The following DNAH8 variants were observed in gnomAD, a reference collection of about 807,000 sequenced individuals.
DNAH8 encodes dynein axonemal heavy chain 8.
A neutral mutation model predicts 562.1 loss-of-function variants in DNAH8; 382 were observed. That is an observed-to-expected ratio of 0.68 (90% confidence interval 0.63 to 0.74). The LOEUF (loss-of-function observed/expected upper bound fraction) is 0.74. Among genes scored for constraint, DNAH8 ranks in the 30% least tolerant of loss-of-function variants. The pLI, the probability that DNAH8 is intolerant of heterozygous loss-of-function variation, is 0.00. For synonymous variants in DNAH8, 1,881 were observed against 1,919.4 expected (o/e 0.98, Z 0.52); for missense variants, 5,203 against 5,620.4 (o/e 0.93, Z 2.37).
At chr6:38,738,103 A>G (rs1269539165) in intron 7 of DNAH8, 131 bp downstream of exon 7, 2 of 912,276 alleles carry the variant, frequency 2.2e-6, no homozygotes, top group East Asian at 6.1e-5. Flanking sequence ...TTTGAAACTC[A>G]GCCAATTTTT....
At chr6:38,778,657 G>A (rs138245196) in intron 14 of DNAH8, among the ~76,000 whole-genome samples, 193 bp downstream of exon 14, 1 of 152,262 alleles carries the variant, frequency 6.6e-6, no homozygotes, top group East Asian at 1.9e-4. Context: ...TAATTGCATT[G>A]TTTTGGTAGC....
intron 8 of DNAH8, among the ~76,000 whole-genome samples, chr6:38,747,712 A>G (rs1253132665): frequency 1.3e-5 from 2 of 152,168 alleles, no homozygotes; most frequent in East Asian, 3.9e-4. Flanking sequence ...TGTAATCATC[A>G]TAACTTTTGT....
intron 56 of DNAH8, among the ~76,000 whole-genome samples, chr6:38,885,878 C>T (rs959143397): frequency 6.6e-6 from 1 of 152,186 alleles, no homozygotes; most frequent in Non-Finnish European, 1.5e-5. Context: ...CAACATGCAT[C>T]TGTACATCTT....
intron 88 of DNAH8, among the ~76,000 whole-genome samples, chr6:38,995,108 C>T (rs972474737): frequency 5.2e-5 from 7 of 133,466 alleles, no homozygotes; most frequent in Non-Finnish European, 7.9e-5. Context: ...ATGTGTGTTT[C>T]TCTATTGTTG....
chr6:38,782,068 A>G (rs1354637539), intron 16 of DNAH8, among the ~76,000 whole-genome samples: 6 of 152,040 alleles, frequency 3.9e-5, no homozygotes, highest in Non-Finnish European at 8.8e-5. Context: ...GCATTATTAA[A>G]TATGAAGATT....
At position 38,737,181 on chromosome 6, in the gene DNAH8, A is replaced by G; in HGVS notation, c.877A>G (p.Asn293Asp). 6.4e-7 allele frequency: 1 copy of G among 1,571,306 alleles called. No individual in the cohort carries two copies. Among genetic ancestry groups the G allele is most frequent in the Non-Finnish European group, 8.6e-7 (1 of 1,160,618 alleles). Residue 293 changes from asparagine to aspartate, a missense_variant, in exon 6 of 93, where the codon AAC becomes GAC. Physicochemically the swap from Asn to Asp is conservative, Grantham distance 23. Around this residue, in one of 6 missense-constraint regions of DNAH8, gnomAD observed 556 missense variants for 496.9 expected, o/e 1.12. Transcript: ENST00000327475. ...VLATNNWGAL[N>D]QSKQGESEKH... The stretch of plus-strand genomic sequence containing the variant: ...TGCAACAAACAACTGGGGTGCTTTA[A>G]ACCAGTCCAAGCAGGGAGAATCTGA...
chr6:38,888,806 AC>A (rs1345020877), intron 57 of DNAH8, among the ~76,000 whole-genome samples: 1 of 152,222 alleles, frequency 6.6e-6, no homozygotes. Flanking sequence ...GTTGCTACAA[AC>A]CCTTTGGATA....
chr6:38,856,678 A>G (rs991704505), intron 41 of DNAH8, among the ~76,000 whole-genome samples: 1 of 152,156 alleles, frequency 6.6e-6, no homozygotes, highest in African/African-American at 2.4e-5. Context: ...TCTAGCAGGA[A>G]AAGTATCAAA....
intron 11 of DNAH8, chr6:38,763,182 CA>C: frequency 3.5e-6 from 1 of 286,054 alleles, no homozygotes; most frequent in South Asian, 3.5e-5. Context: ...CAGTGTAGAT[CA>C]TACATTTGGA....
chr6:38,955,013 G>C (rs1385503240), intron 82 of DNAH8, among the ~76,000 whole-genome samples: 1 of 152,228 alleles, frequency 6.6e-6, no homozygotes, highest in East Asian at 1.9e-4. Context: ...TGTCACCCAG[G>C]CTGGAGTGCA....
chr6:38,883,584 A>C (rs1778680325), intron 55 of DNAH8, 128 bp downstream of exon 55: 1 of 1,108,830 alleles, frequency 9.0e-7, no homozygotes, highest in Admixed American at 3.1e-5. Flanking sequence ...TGCACTTGGC[A>C]TTCAGCTGTT....
rs1761888540 is a variant in DNAH8 at position 38,951,330 on chromosome 6, A to G, written c.12261A>G (p.Pro4087=). ...HKLLLIRSWC[P]DRTVFQARKY... ...TATTCATTTTTAGGTCTTGGTGCCC[A>G]GACCGTACTGTTTTTCAAGCAAGAA... The change falls in exon 82 of 93, where the codon CCA becomes CCG. Residue 4087 remains proline, a synonymous_variant. Transcript: ENST00000327475. 6.2e-7 allele frequency: 1 copy of G among 1,614,168 alleles called. No homozygotes were observed. The highest frequency in any genetic ancestry group is 8.5e-7 in the Non-Finnish European group (1 of 1,180,012).
chr6:38,861,410 T>TA (rs1382768625), intron 43 of DNAH8, among the ~76,000 whole-genome samples: 1 of 152,236 alleles, frequency 6.6e-6, no homozygotes. Context: ...CCAAAACAAA[T>TA]ACAACAGAAG....
At chr6:38,836,106 A>G (rs1774261857) in intron 32 of DNAH8, among the ~76,000 whole-genome samples, 1 of 152,178 alleles carries the variant, frequency 6.6e-6, no homozygotes, top group Non-Finnish European at 1.5e-5. Context: ...CAACTTGGGC[A>G]TATTGACGAA....
At chr6:39,003,307 T>C (rs1765599930) in intron 88 of DNAH8, among the ~76,000 whole-genome samples, 1 of 152,238 alleles carries the variant, frequency 6.6e-6, no homozygotes, top group Admixed American at 6.5e-5. Flanking sequence ...GTTTGTAAGA[T>C]GCATCTCAGT....
intron 17 of DNAH8, 110 bp from the exon 18 acceptor site, chr6:38,786,655 C>A: frequency 9.1e-7 from 1 of 1,101,664 alleles, no homozygotes; most frequent in Non-Finnish European, 1.3e-6. Context: ...CAAAACATTT[C>A]CTTTGCCCTC....
intron 1 of DNAH8, among the ~76,000 whole-genome samples, chr6:38,718,516 T>C (rs773813919): frequency 3.9e-5 from 6 of 152,224 alleles, no homozygotes; most frequent in Non-Finnish European, 8.8e-5. Flanking sequence ...AGTTATATGA[T>C]TTCCTTAAGG....
intron 79 of DNAH8, among the ~76,000 whole-genome samples, chr6:38,943,079 G>GGA (rs1783590617): frequency 1.3e-5 from 2 of 152,224 alleles, no homozygotes; most frequent in Non-Finnish European, 2.9e-5. Context: ...TATAGGGCCA[G>GGA]GAGAGTCAGT....
intron 82 of DNAH8, among the ~76,000 whole-genome samples, chr6:38,957,975 AAAG>A (rs1400782506): frequency 6.6e-6 from 1 of 151,994 alleles, no homozygotes; most frequent in Non-Finnish European, 1.5e-5. Flanking sequence ...AAGAAATAAT[AAAG>A]ATCAGAGTAG....
Sources: gnomAD v4.1 joint callset for allele counts (sites outside exome capture counted in the v4.1 genomes callset) on GRCh38, gnomAD v4.1.1 for gene constraint, gnomAD v4.1.1 regional missense constraint, MANE v1.5 for transcripts, NCBI Gene and HGNC (gene_info 2026-07-23, HGNC 2026-07-21) for gene names.